HECTD2: variants seen among roughly 807,000 people sequenced by gnomAD.
The protein encoded by HECTD2 is HECT domain E3 ubiquitin protein ligase 2.
HECTD2 carries 35 observed loss-of-function variants against 103.2 expected under a neutral mutation model. The ratio of observed to expected loss-of-function variants is 0.34; its 90% CI spans 0.26 to 0.45. HECTD2 has a LOEUF of 0.45. Among genes scored for constraint, HECTD2 ranks in the 20% least tolerant of loss-of-function variants. HECTD2 has a pLI of 1.00. For missense variants in HECTD2, 596 were observed against 937.4 expected (o/e 0.64, Z 4.76); for synonymous variants, 281 against 329.9 (o/e 0.85, Z 1.61).
At chr10:91,503,712 C>T (rs950909585) in intron 20 of HECTD2, among the ~76,000 whole-genome samples, 12 of 152,222 alleles carry the variant, frequency 7.9e-5, no homozygotes, top group African/African-American at 2.9e-4. Context: ...GGGCGCCCAC[C>T]ATTGCCCAGG....
chr10:91,491,795 A>C (rs1846490133), intron 12 of HECTD2, among the ~76,000 whole-genome samples: 1 of 152,178 alleles, frequency 6.6e-6, no homozygotes, highest in South Asian at 2.1e-4. Context: ...CTAGATCTTA[A>C]TATGGTTATT....
intron 5 of HECTD2, among the ~76,000 whole-genome samples, chr10:91,470,567 A>C (rs1845687646): frequency 6.6e-6 from 1 of 152,298 alleles, no homozygotes; most frequent in South Asian, 2.1e-4. Flanking sequence ...GAAATTTTAT[A>C]AATCTAAATG....
At chr10:91,431,645 G>C (rs1843877347) in intron 2 of HECTD2, among the ~76,000 whole-genome samples, 1 of 151,808 alleles carries the variant, frequency 6.6e-6, no homozygotes, top group Non-Finnish European at 1.5e-5. Context: ...TTCCATCACT[G>C]ATACCCTTTC....
chr10:91,458,175 G>A (rs1288860787), intron 2 of HECTD2, among the ~76,000 whole-genome samples: 1 of 151,776 alleles, frequency 6.6e-6, no homozygotes, highest in African/African-American at 2.4e-5. Flanking sequence ...AAATAAAAAT[G>A]CATATCATTT....
intron 1 of HECTD2, among the ~76,000 whole-genome samples, chr10:91,414,107 G>A (rs945754239): frequency 3.9e-5 from 6 of 152,160 alleles, no homozygotes; most frequent in African/African-American, 1.4e-4. Context: ...GGATGAATTT[G>A]ACTGGCTACT....
intron 2 of HECTD2, among the ~76,000 whole-genome samples, chr10:91,433,433 G>T (rs986800163): frequency 6.6e-6 from 1 of 151,786 alleles, no homozygotes; most frequent in African/African-American, 2.4e-5. Context: ...TGTATGCATT[G>T]TCCAGAACCT....
chr10:91,465,134 A>T (rs1845487709), intron 5 of HECTD2, among the ~76,000 whole-genome samples: 2 of 152,314 alleles, frequency 1.3e-5, no homozygotes, highest in South Asian at 4.1e-4. Flanking sequence ...TAATTCTGAA[A>T]TTACATTCTA....
At chr10:91,420,941 GA>G (rs1050920230) in intron 1 of HECTD2, among the ~76,000 whole-genome samples, 2 of 152,140 alleles carry the variant, frequency 1.3e-5, no homozygotes, top group African/African-American at 4.8e-5. Context: ...ATGCTATGGG[GA>G]CCATGAGTGG....
intron 2 of HECTD2, among the ~76,000 whole-genome samples, chr10:91,430,769 C>G (rs7919797): frequency 0.2 from 30,402 of 151,788 alleles, 7,233 homozygotes; most frequent in African/African-American, 0.58. Context: ...GAGCCCATGT[C>G]TGTCTCTGCA....
At chr10:91,492,100 A>C (rs2133319227) in intron 12 of HECTD2, among the ~76,000 whole-genome samples, 1 of 152,302 alleles carries the variant, frequency 6.6e-6, no homozygotes, top group South Asian at 2.1e-4. Flanking sequence ...AAAAATTTGA[A>C]GGCAGTAGAT....
At chr10:91,463,865 T>C (rs1845440167) in intron 5 of HECTD2, among the ~76,000 whole-genome samples, 1 of 152,236 alleles carries the variant, frequency 6.6e-6, no homozygotes, top group Admixed American at 6.5e-5. Context: ...ACAACCACTT[T>C]GGAAAAATAC....
intron 2 of HECTD2, among the ~76,000 whole-genome samples, chr10:91,450,047 C>A (rs941351755): frequency 2.6e-5 from 4 of 152,042 alleles, no homozygotes; most frequent in Admixed American, 2.6e-4. Context: ...TCATATAGAA[C>A]CAAAAAAGAG....
intron 11 of HECTD2, chr10:91,489,877 A>G (rs1485579533): frequency 1.3e-5 from 2 of 152,200 alleles, no homozygotes; most frequent in Non-Finnish European, 2.9e-5. Flanking sequence ...AAATTGCTGC[A>G]TGTATTTAAA....
intron 13 of HECTD2, among the ~76,000 whole-genome samples, chr10:91,493,208 T>C (rs1846542260): frequency 6.6e-6 from 1 of 151,352 alleles, no homozygotes; most frequent in African/African-American, 2.4e-5. Flanking sequence ...ATGTTCTCCA[T>C]ATATATTTAA....
intron 2 of HECTD2, among the ~76,000 whole-genome samples, chr10:91,443,788 A>G (rs953894452): frequency 2.6e-5 from 4 of 152,202 alleles, no homozygotes; most frequent in African/African-American, 7.2e-5. Flanking sequence ...ATGGTTTTAA[A>G]TGAGAGAACA....
chr10:91,481,321 G>A (rs1846080027), intron 7 of HECTD2, among the ~76,000 whole-genome samples, 182 bp downstream of exon 7: 1 of 151,684 alleles, frequency 6.6e-6, no homozygotes, highest in Non-Finnish European at 1.5e-5. Context: ...TAAAAGATAA[G>A]TAAGATTTTA....
intron 14 of HECTD2, among the ~76,000 whole-genome samples, 183 bp downstream of exon 14, chr10:91,493,691 A>G (rs1846559634): frequency 6.6e-6 from 1 of 152,028 alleles, no homozygotes; most frequent in Non-Finnish European, 1.5e-5. Flanking sequence ...CTTAATTGAA[A>G]GAAATGAGAG....
chr10:91,431,064 G>A (rs1364236800), intron 2 of HECTD2, among the ~76,000 whole-genome samples: 1 of 151,266 alleles, frequency 6.6e-6, no homozygotes, highest in Admixed American at 6.6e-5. Flanking sequence ...AGCTCTTTTA[G>A]GGCAGGCCTG....
At chr10:91,429,206 C>G (rs1359928750) in intron 2 of HECTD2, among the ~76,000 whole-genome samples, 3 of 152,026 alleles carry the variant, frequency 2.0e-5, no homozygotes, top group South Asian at 2.1e-4. Context: ...ATTGAACCAG[C>G]CTTGCATCCC....
Sources: gnomAD v4.1 joint callset for allele counts (sites outside exome capture counted in the v4.1 genomes callset) on GRCh38, gnomAD v4.1.1 for gene constraint, MANE v1.5 for transcripts, NCBI Gene and HGNC (gene_info 2026-07-23, HGNC 2026-07-21) for gene names.